KCNAB2: variants seen among roughly 807,000 people sequenced by gnomAD.
KCNAB2 encodes the protein potassium voltage-gated channel subfamily A regulatory beta subunit 2, also known as voltage-gated potassium channel subunit beta-2.
In KCNAB2, 29 loss-of-function variants were observed where a neutral mutation model predicts 63.6. The ratio of observed to expected loss-of-function variants is 0.46; its 90% CI spans 0.34 to 0.62. The LOEUF (loss-of-function observed/expected upper bound fraction) is 0.62, where lower values mean the gene tolerates loss of function less well. Ranked by LOEUF, KCNAB2 falls within the 20% of genes least tolerant of loss-of-function variation. KCNAB2 has a pLI of 0.01. For synonymous variants in KCNAB2, 222 were observed against 224.2 expected (o/e 0.99, Z 0.09); for missense variants, 359 against 563.9 (o/e 0.64, Z 3.68).
chr1:6,100,302 T>G lies in KCNAB2; in HGVS notation c.*1728T>G. 2.5e-6 allele frequency: 1 copy of G among 394,418 alleles called. No individual in the cohort carries two copies. The highest frequency in any genetic ancestry group is 7.6e-5 in the South Asian group (1 of 13,232). The allele number at this position is 394,418 out of a possible 1,614,324, so 24.4% of individuals were successfully genotyped here. A position where few individuals can be genotyped will look rare whatever the true frequency, so the allele number is the denominator to read the frequency against. ...CGCCTAGAACCCTTGCCCCTCCTCA[T>G]AGACCAAGTCCCGGGGGTCTCCACT... On this transcript the variant is annotated 3_prime_UTR_variant, in exon 16 of 16. Transcript: ENST00000378083.
upstream of KCNAB2, among the ~76,000 whole-genome samples, chr1:6,040,991 C>T (rs1660454218): frequency 6.6e-6 from 1 of 152,244 alleles, no homozygotes; most frequent in African/African-American, 2.4e-5. Flanking sequence ...CTGTTCCTCC[C>T]ACTTTATACA....
chr1:6,089,200 C>A, intron 8 of KCNAB2, 149 bp downstream of exon 8: 1 of 863,544 alleles, frequency 1.2e-6, no homozygotes, highest in Non-Finnish European at 1.8e-6. Context: ...TGACCTTCTC[C>A]TTCCACCCAG....
In KCNAB2 at chr1:6,067,471, CA is replaced by C. The variant is rs1401532455; in HGVS notation, c.219-5280del. Among the ~76,000 whole-genome samples, 3 of 152,206 alleles carry C rather than the reference CA, an allele frequency of 2.0e-5. No homozygotes were observed. The East Asian group carries it at 5.8e-4, about 29-fold the overall frequency. On this transcript the variant is annotated intron_variant, in intron 2 of 15. Transcript: ENST00000378083. ...CTGAGCTGTGTGGCTTAAACCTCTA[CA>C]AAACCAATGCCTGAGAGTTGGGCCT...
intron 2 of KCNAB2, among the ~76,000 whole-genome samples, chr1:6,070,516 T>A (rs566612372): frequency 6.6e-6 from 1 of 152,230 alleles, no homozygotes; most frequent in East Asian, 1.9e-4. Flanking sequence ...CTATCAAGAG[T>A]ATTTCACTGA....
chr1:6,053,578 T>G (rs1474459713), intron 2 of KCNAB2, among the ~76,000 whole-genome samples: 2 of 152,050 alleles, frequency 1.3e-5, no homozygotes, highest in African/African-American at 4.8e-5. Context: ...GATGCCTCTC[T>G]CAGCTGGAGG....
In KCNAB2 at chr1:6,096,837, C is replaced by A. The variant is rs867523171; in HGVS notation, c.1069+81C>A. On this transcript the variant is annotated intron_variant, in intron 14 of 15. Coordinates refer to ENST00000378083, the MANE Select transcript of KCNAB2 (RefSeq NM_001199862.2). This position sits in a 1 kb window ranked among gnomAD's most constrained non-coding sequence, Gnocchi z 5.9. ...GCCGTAGGTAACAGGGTGGGGTTGCCATGGGGCCAGTGTCTCCGGGGAGAG... is the reference window on the plus strand; with the variant it reads ...GCCGTAGGTAACAGGGTGGGGTTGCAATGGGGCCAGTGTCTCCGGGGAGAG... 18 of 1,451,836 alleles carry A rather than the reference C, an allele frequency of 1.2e-5. 1 individual carries two copies. The South Asian group carries it at 2.2e-4, about 18-fold the overall frequency. 89.9% of individuals were successfully genotyped at this position (1,451,836 alleles called of 1,614,324 possible).
intron 1 of KCNAB2, among the ~76,000 whole-genome samples, chr1:6,009,186 G>A (rs1017231456): frequency 4.6e-5 from 7 of 152,172 alleles, no homozygotes; most frequent in Non-Finnish European, 5.9e-5. Flanking sequence ...TGGCCACCCC[G>A]CCCTCTGTAG....
intron 8 of KCNAB2, 140 bp from the exon 9 acceptor site, chr1:6,090,249 C>T: frequency 1.7e-6 from 1 of 591,038 alleles, no homozygotes; most frequent in Non-Finnish European, 3.0e-6. Context: ...CATTTCACGA[C>T]CTCCATCAGC....
At chr1:6,083,899 G>A (rs1664427452) in intron 5 of KCNAB2, among the ~76,000 whole-genome samples, 1 of 152,224 alleles carries the variant, frequency 6.6e-6, no homozygotes, top group Non-Finnish European at 1.5e-5. Context: ...ACAAGCCACA[G>A]GCTTAGATAA....
At chr1:6,050,808 C>CAA (rs1204113858) in intron 1 of KCNAB2, among the ~76,000 whole-genome samples, 1 of 152,260 alleles carries the variant, frequency 6.6e-6, no homozygotes, top group African/African-American at 2.4e-5. Context: ...CTCTCCTCCG[C>CAA]AACCTGCTTA....
upstream of KCNAB2, among the ~76,000 whole-genome samples, chr1:6,030,910 A>G (rs1054979022): frequency 1.4e-5 from 2 of 140,798 alleles, no homozygotes; most frequent in African/African-American, 5.4e-5. Context: ...GTGAATAGGT[A>G]TGTTTGTATG....
intron 5 of KCNAB2, among the ~76,000 whole-genome samples, chr1:6,084,863 A>G (rs934541579): frequency 2.0e-5 from 3 of 151,922 alleles, no homozygotes; most frequent in African/African-American, 2.4e-5. Flanking sequence ...TAATGTTGCC[A>G]GGCATTTTCC....
At chr1:6,064,420 G>A (rs1027485763) in intron 2 of KCNAB2, among the ~76,000 whole-genome samples, 2 of 152,206 alleles carry the variant, frequency 1.3e-5, no homozygotes, top group Non-Finnish European at 2.9e-5. Flanking sequence ...TAGGGAAGGG[G>A]GCTGTTGAAA....
intron 1 of KCNAB2, among the ~76,000 whole-genome samples, chr1:6,048,661 C>T (rs1477585124): frequency 6.6e-6 from 1 of 152,250 alleles, no homozygotes; most frequent in Non-Finnish European, 1.5e-5. Context: ...AGGCAGGGAA[C>T]TTGCGTGTCT....
intron 10 of KCNAB2, 145 bp downstream of exon 10, chr1:6,091,452 C>T (rs1665178270): frequency 6.2e-6 from 4 of 647,128 alleles, no homozygotes; most frequent in African/African-American, 5.5e-5. Context: ...CCTATGAGAA[C>T]ACCTTGCAAG....
upstream of KCNAB2, among the ~76,000 whole-genome samples, chr1:6,044,820 G>C (rs1167499752): frequency 6.6e-6 from 1 of 152,100 alleles, no homozygotes; most frequent in Admixed American, 6.5e-5. Flanking sequence ...GAATGAAGGG[G>C]TGCAGGGCCT....
At position 6,101,098 on chromosome 1, in the gene KCNAB2, T is replaced by C. The variant is rs1666002661; in HGVS notation, c.*2524T>C. On this transcript the variant is annotated 3_prime_UTR_variant, in exon 16 of 16. Transcript: ENST00000378083. ...CCCTACCCAGGCAGAGACTGTCCTA[T>C]GCCTCGAGCTTCCAAACGAGACTCA... 1 of 152,156 alleles carries C rather than the reference T, an allele frequency of 6.6e-6. No homozygotes were observed. Among genetic ancestry groups the C allele is most frequent in the Non-Finnish European group, 1.5e-5 (1 of 68,040 alleles). The allele number at this position is 152,156 out of a possible 1,614,324, so 9.4% of individuals were successfully genotyped here. A position where few individuals can be genotyped will look rare whatever the true frequency, so the allele number is the denominator to read the frequency against.
At chr1:6,030,612 T>G (rs369847148), upstream of KCNAB2, among the ~76,000 whole-genome samples, 2 of 151,864 alleles carry the variant, frequency 1.3e-5, no homozygotes, top group East Asian at 3.9e-4. Context: ...TCTGTATGTG[T>G]GTAGGTATGT....
intron 4 of KCNAB2, among the ~76,000 whole-genome samples, chr1:6,077,819 C>T (rs1339371618): frequency 6.6e-6 from 1 of 152,216 alleles, no homozygotes; most frequent in Non-Finnish European, 1.5e-5. Flanking sequence ...CACTGTCTTT[C>T]TAGAGAGGGC....
Sources: allele counts gnomAD v4.1 joint callset (sites outside exome capture counted in the v4.1 genomes callset), GRCh38; gene constraint gnomAD v4.1.1; non-coding constraint Gnocchi (gnomAD v3.1); transcripts MANE v1.5; gene names NCBI Gene and HGNC (gene_info 2026-07-23, HGNC 2026-07-21).